The following ITPR1 variants were observed in gnomAD, a reference collection of about 807,000 sequenced individuals.
ITPR1 encodes the protein inositol 1,4,5-trisphosphate receptor type 1, also known as inositol 1,4,5-trisphosphate-gated calcium channel ITPR1.
ITPR1 carries 96 observed loss-of-function variants against 318.4 expected under a neutral mutation model. That is an observed-to-expected ratio of 0.30 (90% CI 0.26 to 0.36). The LOEUF (loss-of-function observed/expected upper bound fraction) is 0.36. Among genes scored for constraint, ITPR1 ranks in the 10% least tolerant of loss-of-function variants. The pLI, the probability that ITPR1 is intolerant of heterozygous loss-of-function variation, is 1.00. For synonymous variants in ITPR1, 1,312 were observed against 1,289.9 expected, an observed-to-expected ratio of 1.02 and a Z score of -0.37; for missense variants, 2,440 against 3,460.2, an observed-to-expected ratio of 0.71 and a Z score of 7.40.
At chr3:4,607,521 G>A (rs1394630870) in intron 4 of ITPR1, among the ~76,000 whole-genome samples, 4 of 152,172 alleles carry the variant, frequency 2.6e-5, no homozygotes, top group East Asian at 1.9e-4. Flanking sequence ...CAGGGGAATT[G>A]CAAGAGAGAG....
chr3:4,502,880 G>A (rs1035135705), intron 2 of ITPR1, among the ~76,000 whole-genome samples: 6 of 151,902 alleles, frequency 3.9e-5, no homozygotes, highest in African/African-American at 1.5e-4. Context: ...TCAGGAGTTT[G>A]AGACCAGCCT....
At position 4,836,878 on chromosome 3, in the gene ITPR1, GTCCACCATGAAACTTGTCACGAACCTT is replaced by G; in HGVS notation, c.8136_8162del (p.Thr2713_Ser2721del). On this transcript the variant is annotated inframe_deletion, in exon 61 of 62. Transcript: ENST00000649015. ...TGAGAAACCTGCAGGAGAAGCTGGA[GTCCACCATGAAACTTGTCACGAACCTT>G]TCTGGCCAGCTGTCGGAATTAAAGG... 1 of 1,597,612 alleles carries G rather than the reference GTCCACCATGAAACTTGTCACGAACCTT, an allele frequency of 6.3e-7. No individual in the cohort carries two copies. Among genetic ancestry groups the G allele is most frequent in the Non-Finnish European group, 8.6e-7 (1 of 1,168,360 alleles).
At chr3:4,782,023 T>C (rs997828307) in intron 49 of ITPR1, among the ~76,000 whole-genome samples, 1 of 152,194 alleles carries the variant, frequency 6.6e-6, no homozygotes, top group African/African-American at 2.4e-5. Flanking sequence ...TAAATGTTTG[T>C]GAGCATTAAA....
intron 20 of ITPR1, among the ~76,000 whole-genome samples, chr3:4,672,174 A>T (rs1461822099): frequency 6.6e-6 from 1 of 152,202 alleles, no homozygotes; most frequent in Admixed American, 6.5e-5. Context: ...TCCATTCCAC[A>T]CTGGGAGGTG....
chr3:4,671,543 T>A (rs970795745), intron 20 of ITPR1: 1 of 152,414 alleles, frequency 6.6e-6, no homozygotes, highest in Admixed American at 6.5e-5. Flanking sequence ...ATTCCCTGTA[T>A]GTTTACCCAT....
intron 44 of ITPR1, among the ~76,000 whole-genome samples, chr3:4,755,818 A>G (rs2044929199): frequency 6.6e-6 from 1 of 152,240 alleles, no homozygotes; most frequent in South Asian, 2.1e-4. Context: ...GTGACTGTAC[A>G]GTGTGGATGA....
chr3:4,835,020 G>A (rs1046115559), intron 60 of ITPR1, among the ~76,000 whole-genome samples: 5 of 152,128 alleles, frequency 3.3e-5, no homozygotes, highest in Non-Finnish European at 7.4e-5. Flanking sequence ...CCTTCCACAA[G>A]CTTTTATTAA....
intron 4 of ITPR1, among the ~76,000 whole-genome samples, chr3:4,547,453 C>G (rs972624572): frequency 2.0e-5 from 3 of 152,212 alleles, no homozygotes; most frequent in Non-Finnish European, 4.4e-5. Flanking sequence ...CCATTTCCCT[C>G]TAGATGACAT....
At chr3:4,560,948 C>G (rs976557928) in intron 4 of ITPR1, among the ~76,000 whole-genome samples, 3 of 152,232 alleles carry the variant, frequency 2.0e-5, no homozygotes, top group African/African-American at 7.2e-5. Flanking sequence ...AACTTGGGGG[C>G]CAATGAATTG....
chr3:4,736,296 G>A (rs570526934), intron 44 of ITPR1, among the ~76,000 whole-genome samples: 9 of 152,310 alleles, frequency 5.9e-5, no homozygotes, highest in Admixed American at 5.2e-4. Flanking sequence ...GCCTTGAACT[G>A]AAATTCGGAG....
intron 44 of ITPR1, among the ~76,000 whole-genome samples, chr3:4,765,346 AT>A (rs2045745644): frequency 6.6e-6 from 1 of 152,206 alleles, no homozygotes; most frequent in African/African-American, 2.4e-5. Flanking sequence ...CAAGAAGTGC[AT>A]TGTGGGCAGA....
rs151037877 is a variant in ITPR1 at position 4,804,758 on chromosome 3, G to GA, written c.7108-1339dup. Among the ~76,000 whole-genome samples, 660 of 152,254 alleles carry GA rather than the reference G, an allele frequency of 4.3e-3. 7 individuals are homozygous for GA. The highest frequency in any genetic ancestry group is 0.015 in the African/African-American group (627 of 41,548). ...TCCACTAGCAAAGGTGAGAATTTTG[G>GA]AAAAAATTGGCAGATTGAATGCTTA... On this transcript the variant is annotated intron_variant, in intron 54 of 61. Transcript: ENST00000649015.
chr3:4,800,248 G>T, intron 53 of ITPR1, 177 bp from the exon 54 acceptor site: 1 of 569,264 alleles, frequency 1.8e-6, no homozygotes, highest in Non-Finnish European at 3.0e-6. Context: ...TGGAGGCTTG[G>T]AGGTCAAAAA....
intron 42 of ITPR1, among the ~76,000 whole-genome samples, chr3:4,728,302 G>T (rs575642817): frequency 7.2e-5 from 11 of 152,210 alleles, no homozygotes; most frequent in Non-Finnish European, 1.3e-4. Flanking sequence ...AGATGTCCTG[G>T]TGACACAGGC....
At chr3:4,651,300 T>G (rs2093594009) in intron 10 of ITPR1, among the ~76,000 whole-genome samples, 1 of 152,186 alleles carries the variant, frequency 6.6e-6, no homozygotes, top group Admixed American at 6.5e-5. Flanking sequence ...GCTTTTTCTG[T>G]GTGTAGTTCT....
chr3:4,820,101 G>A (rs1215482382), intron 60 of ITPR1, among the ~76,000 whole-genome samples: 1 of 152,192 alleles, frequency 6.6e-6, no homozygotes, highest in African/African-American at 2.4e-5. Flanking sequence ...TTCCACAGGT[G>A]AGGTTTCCAG....
intron 4 of ITPR1, among the ~76,000 whole-genome samples, chr3:4,551,438 G>GT (rs1057453761): frequency 4.1e-4 from 62 of 152,296 alleles, no homozygotes; most frequent in African/African-American, 1.4e-3. Flanking sequence ...AGCATACAGG[G>GT]TTTTTTATGA....
intron 2 of ITPR1, among the ~76,000 whole-genome samples, chr3:4,510,288 A>G (rs552848937): frequency 1.1e-4 from 16 of 152,326 alleles, no homozygotes; most frequent in African/African-American, 3.4e-4. Context: ...GGGCTAGATC[A>G]TGAAGAGCTC....
At chr3:4,539,618 G>C (rs2084226080) in intron 4 of ITPR1, among the ~76,000 whole-genome samples, 1 of 152,146 alleles carries the variant, frequency 6.6e-6, no homozygotes. Context: ...AACTGAGGTT[G>C]GAACTTGGTC....
Sources: gnomAD v4.1 joint callset for allele counts (sites outside exome capture counted in the v4.1 genomes callset) on GRCh38, gnomAD v4.1.1 for gene constraint, MANE v1.5 for transcripts, NCBI Gene and HGNC (gene_info 2026-07-23, HGNC 2026-07-21) for gene names.